SEMA6A: variants seen among roughly 807,000 people sequenced by gnomAD.
SEMA6A encodes semaphorin-6A.
Under a neutral mutation model 96.8 loss-of-function variants are expected in SEMA6A, and 25 were observed. That is an observed-to-expected ratio of 0.26 (90% CI 0.19 to 0.36). The LOEUF is 0.36. Ranked by LOEUF, SEMA6A falls within the 10% of genes least tolerant of loss-of-function variation. SEMA6A has a pLI of 1.00. For synonymous variants in SEMA6A, 612 were observed against 518.0 expected (o/e 1.18, Z -2.46); for missense variants, 1,363 against 1,323.1 (o/e 1.03, Z -0.47).
intron 1 of SEMA6A, among the ~76,000 whole-genome samples, chr5:116,552,598 C>T (rs1028995576): frequency 2.0e-5 from 3 of 152,076 alleles, no homozygotes; most frequent in South Asian, 4.2e-4. Flanking sequence ...TTAAGCGGCC[C>T]GGGCAGTATG....
At chr5:116,534,730 C>T (rs1480405288) in intron 1 of SEMA6A, among the ~76,000 whole-genome samples, 2 of 152,240 alleles carry the variant, frequency 1.3e-5, no homozygotes, top group Non-Finnish European at 1.5e-5. Flanking sequence ...CTTTTGTCCC[C>T]GCTAGGCTAT....
chr5:116,481,689 A>G (rs529471974), intron 11 of SEMA6A, among the ~76,000 whole-genome samples: 1 of 152,150 alleles, frequency 6.6e-6, no homozygotes, highest in African/African-American at 2.4e-5. Flanking sequence ...AAATGCTGCA[A>G]TGGAGGTGTG....
chr5:116,486,914 T>G lies in SEMA6A; in HGVS notation c.797A>C (p.Gln266Pro). ...CGTCCACTGTTTCTCCAGGACTCTT[T>G]GAGATCCTCCCATATCATTCTTACA... ...QVCKNDMGGS[Q>P]RVLEKQWTSF... The change falls in exon 10 of 19, where the codon CAA becomes CCA. Residue 266 changes from glutamine (Q) to proline (P), a missense_variant. By Grantham distance (76) the Gln-to-Pro change is moderately conservative. Coordinates refer to ENST00000343348, the MANE Select transcript of SEMA6A (RefSeq NM_020796.5). The G allele has an allele frequency of 6.2e-7, 1 of 1,613,818 alleles. No homozygotes were observed. Among genetic ancestry groups the G allele is most frequent in the South Asian group, 1.1e-5 (1 of 91,080 alleles).
intron 2 of SEMA6A, chr5:116,502,665 C>T: frequency 4.5e-6 from 1 of 223,854 alleles, no homozygotes. Flanking sequence ...TTCTTTTCAT[C>T]TTCTGTAGAG....
chr5:116,470,892 A>G (rs1679999932), intron 17 of SEMA6A, among the ~76,000 whole-genome samples: 1 of 152,206 alleles, frequency 6.6e-6, no homozygotes, highest in Admixed American at 6.5e-5. Flanking sequence ...TACAATTAGC[A>G]ATTTGTTTCT....
intron 1 of SEMA6A, among the ~76,000 whole-genome samples, chr5:116,555,664 C>CA (rs1760578361): frequency 6.6e-6 from 1 of 150,994 alleles, no homozygotes. Flanking sequence ...CATGGCAAGA[C>CA]CCCCCCTCAA....
At chr5:116,507,644 G>A (rs1311766742) in intron 1 of SEMA6A, among the ~76,000 whole-genome samples, 1 of 152,164 alleles carries the variant, frequency 6.6e-6, no homozygotes, top group Non-Finnish European at 1.5e-5. Flanking sequence ...AACATTTGTC[G>A]ATTTCCCTGT....
In SEMA6A at chr5:116,574,663, G is replaced by A. The variant is rs1179976944; in HGVS notation, c.-517C>T. On this transcript the variant is annotated 5_prime_UTR_variant, in exon 1 of 19. Coordinates refer to ENST00000343348, the MANE Select transcript of SEMA6A (RefSeq NM_020796.5). ...CTGCGGCCGGCAGCGCGGTGCCGCGGGTGTGGTGATGCTGGCCGCTGCTAC... is the reference window on the plus strand; with the variant it reads ...CTGCGGCCGGCAGCGCGGTGCCGCGAGTGTGGTGATGCTGGCCGCTGCTAC... 6.6e-6 allele frequency: 1 copy of A among 152,354 alleles called. No individual in the cohort carries two copies. The highest frequency in any genetic ancestry group is 1.5e-5 in the Non-Finnish European group (1 of 68,168). The allele number at this position is 152,354 out of a possible 1,614,324, so 9.4% of individuals were successfully genotyped here. A position where few individuals can be genotyped will look rare whatever the true frequency, so the allele number is the denominator to read the frequency against.
chr5:116,483,274 T>A (rs1174363348), intron 10 of SEMA6A, among the ~76,000 whole-genome samples: 1 of 152,216 alleles, frequency 6.6e-6, no homozygotes, highest in Non-Finnish European at 1.5e-5. Context: ...CTTCTTTTTT[T>A]AATCAATGAT....
chr5:116,535,721 T>C (rs1222005361), intron 1 of SEMA6A, among the ~76,000 whole-genome samples: 3 of 152,210 alleles, frequency 2.0e-5, no homozygotes, highest in Non-Finnish European at 4.4e-5. Context: ...ATATAGGTCA[T>C]GTTATAACTG....
chr5:116,473,177 C>A (rs1756256521), intron 16 of SEMA6A, 84 bp from the exon 17 acceptor site: 3 of 1,338,952 alleles, frequency 2.2e-6, no homozygotes, highest in African/African-American at 1.5e-5. Flanking sequence ...TGAGCTAACA[C>A]AGAACTATGC....
At chr5:116,546,752 C>T (rs1489892765) in intron 1 of SEMA6A, among the ~76,000 whole-genome samples, 1 of 152,196 alleles carries the variant, frequency 6.6e-6, no homozygotes, top group Non-Finnish European at 1.5e-5. Context: ...TAACTCCCCT[C>T]CAATGAACAT....
At chr5:116,545,424 C>G (rs926290009) in intron 1 of SEMA6A, among the ~76,000 whole-genome samples, 1 of 151,952 alleles carries the variant, frequency 6.6e-6, no homozygotes, top group Non-Finnish European at 1.5e-5. Flanking sequence ...ACAAAAATTA[C>G]CCAGGCGTGG....
At chr5:116,499,895 C>G (rs1298375020) in intron 3 of SEMA6A, among the ~76,000 whole-genome samples, 1 of 152,162 alleles carries the variant, frequency 6.6e-6, no homozygotes, top group Admixed American at 6.5e-5. Context: ...ACCTATGGTC[C>G]ACGCCCTGCT....
intron 17 of SEMA6A, chr5:116,469,344 T>TGATACAGA: frequency 6.6e-6 from 1 of 152,220 alleles, no homozygotes; most frequent in East Asian, 1.9e-4. Context: ...TCTCATGTCA[T>TGATACAGA]GATACAGATA....
chr5:116,564,422 C>T (rs1255877612), intron 1 of SEMA6A, among the ~76,000 whole-genome samples: 1 of 152,174 alleles, frequency 6.6e-6, no homozygotes, highest in Non-Finnish European at 1.5e-5. Flanking sequence ...TTTTAATCTA[C>T]AAAGGAATTA....
In SEMA6A at chr5:116,526,503, A is replaced by AT. The variant is rs537589845; in HGVS notation, c.-38-21522dup. On this transcript the variant is annotated intron_variant, in intron 1 of 18. Coordinates refer to ENST00000343348, the MANE Select transcript of SEMA6A (RefSeq NM_020796.5). ...CAAACGGATCAATGAATGATCTAAA[A>AT]TACAATCCCTGTCCTCAGAGGATTT... Among the ~76,000 whole-genome samples, 31 of 152,352 alleles carry AT rather than the reference A, an allele frequency of 2.0e-4. No homozygotes were observed. The South Asian group carries it at 6.0e-3, about 30-fold the overall frequency.
intron 1 of SEMA6A, among the ~76,000 whole-genome samples, chr5:116,532,889 A>G (rs1048982681): frequency 6.6e-6 from 1 of 152,196 alleles, no homozygotes; most frequent in Non-Finnish European, 1.5e-5. Flanking sequence ...CACTTAGCCA[A>G]TTGTTAAGGT....
At chr5:116,460,783 CTTTTTTTTTT>C (rs57285277) in intron 18 of SEMA6A, among the ~76,000 whole-genome samples, 3 of 122,852 alleles carry the variant, frequency 2.4e-5, no homozygotes, top group Non-Finnish European at 5.2e-5. Context: ...TTGTTAATCT[CTTTTTTTTTT>C]TTTTTTTTTT....
Sources: allele counts gnomAD v4.1 joint callset (sites outside exome capture counted in the v4.1 genomes callset), GRCh38; gene constraint gnomAD v4.1.1; transcripts MANE v1.5; gene names NCBI Gene and HGNC (gene_info 2026-07-23, HGNC 2026-07-21).